Variants in TDRP observed in about 807,000 individuals in gnomAD.
The protein encoded by TDRP is testis development-related protein.
Under a neutral mutation model 10.5 loss-of-function variants are expected in TDRP, and 12 were observed. That is an observed-to-expected ratio of 1.15 (90% CI 0.73 to 1.86). The LOEUF is 1.86. Among genes scored for constraint, TDRP ranks in the 40% most tolerant of loss-of-function variants. TDRP has a pLI of 0.00. For missense variants in TDRP, 353 were observed against 229.2 expected (o/e 1.54, Z -3.49); for synonymous variants, 139 against 95.4 (o/e 1.46, Z -2.67).
At chr8:503,668 C>G (rs1432794871) in intron 1 of TDRP, among the ~76,000 whole-genome samples, 1 of 148,082 alleles carries the variant, frequency 6.8e-6, no homozygotes, top group East Asian at 2.1e-4. Context: ...CACCTCAACA[C>G]ACACCAACAC....
chr8:511,722 G>A (rs529527201), intron 1 of TDRP, among the ~76,000 whole-genome samples: 1 of 152,114 alleles, frequency 6.6e-6, no homozygotes, highest in Non-Finnish European at 1.5e-5. Context: ...ATATTTAACA[G>A]GATAAAACTA....
chr8:540,540 T>A (rs1446191347), intron 1 of TDRP, among the ~76,000 whole-genome samples: 2 of 152,174 alleles, frequency 1.3e-5, no homozygotes, highest in Non-Finnish European at 2.9e-5. Flanking sequence ...CAAGTAACAT[T>A]AGATTCATGA....
intron 1 of TDRP, among the ~76,000 whole-genome samples, chr8:533,572 G>C (rs560151789): frequency 1.3e-5 from 2 of 152,040 alleles, no homozygotes; most frequent in African/African-American, 4.8e-5. Flanking sequence ...ACGTTTCATC[G>C]GCATCTTGCC....
chr8:503,117 C>G (rs992438210), intron 1 of TDRP, among the ~76,000 whole-genome samples: 17 of 151,974 alleles, frequency 1.1e-4, no homozygotes, highest in African/African-American at 3.9e-4. Context: ...CACACTGGAA[C>G]CAATGCCCAC....
Position 491,771 on chromosome 8 carries a change from C to T in TDRP, c.*628G>A. The T allele has an allele frequency of 1.4e-6, 2 of 1,382,576 alleles. No individual in the cohort carries two copies. The highest frequency in any genetic ancestry group is 5.4e-5 in the East Asian group (2 of 37,326). The allele number at this position is 1,382,576 out of a possible 1,614,324, so 85.6% of individuals were successfully genotyped here. ...AAATTCCAAAAAAGAACCACTGTTA[C>T]TATCCAGTGGACATACAAGAAGCTA... On this transcript the variant is annotated 3_prime_UTR_variant, in exon 3 of 3. Transcript: ENST00000324079.
At chr8:529,577 T>C (rs1802129882) in intron 1 of TDRP, among the ~76,000 whole-genome samples, 1 of 151,600 alleles carries the variant, frequency 6.6e-6, no homozygotes, top group Non-Finnish European at 1.5e-5. Flanking sequence ...TTCTTTGGCT[T>C]TGGTTATCTG....
intron 2 of TDRP, 69 bp downstream of exon 2, chr8:494,425 C>T: frequency 6.7e-7 from 1 of 1,494,798 alleles, no homozygotes; most frequent in Non-Finnish European, 9.3e-7. Context: ...ATCAAATCTT[C>T]ATTTCCACCT....
intron 1 of TDRP, among the ~76,000 whole-genome samples, chr8:537,333 T>C (rs1226447437): frequency 6.6e-6 from 1 of 152,218 alleles, no homozygotes; most frequent in Non-Finnish European, 1.5e-5. Flanking sequence ...AGGACCCTCC[T>C]GCCTGCACCA....
At chr8:513,009 A>G (rs1314006604) in intron 1 of TDRP, among the ~76,000 whole-genome samples, 1 of 152,020 alleles carries the variant, frequency 6.6e-6, no homozygotes, top group South Asian at 2.1e-4. Flanking sequence ...TTGAATTAGT[A>G]ATCAAAAGGC....
intron 1 of TDRP, among the ~76,000 whole-genome samples, chr8:538,854 C>A (rs965107043): frequency 1.3e-5 from 2 of 152,184 alleles, no homozygotes; most frequent in East Asian, 1.9e-4. Context: ...TGAAGACATG[C>A]GCATCTCACC....
intron 1 of TDRP, among the ~76,000 whole-genome samples, chr8:499,884 G>T (rs1458512463): frequency 6.6e-6 from 1 of 152,214 alleles, no homozygotes; most frequent in Non-Finnish European, 1.5e-5. Flanking sequence ...CAAAATCTTA[G>T]GTGGCGACAG....
At chr8:541,510 T>A (rs1262497080) in intron 1 of TDRP, among the ~76,000 whole-genome samples, 1 of 152,156 alleles carries the variant, frequency 6.6e-6, no homozygotes, top group African/African-American at 2.4e-5. Context: ...AACACATACA[T>A]ATAAAGAACT....
chr8:492,259 A>G lies in TDRP; in HGVS notation c.*140T>C, dbSNP rs924638933. The G allele has an allele frequency of 7.5e-7, 1 of 1,334,824 alleles. No homozygotes were observed. The highest frequency in any genetic ancestry group is 3.5e-5 in the Admixed American group (1 of 28,668). The allele number at this position is 1,334,824 out of a possible 1,614,324, so 82.7% of individuals were successfully genotyped here. On this transcript the variant is annotated 3_prime_UTR_variant, in exon 3 of 3. Transcript: ENST00000324079. ...CACAGTGTGTGTGAGAGTTCATTAA[A>G]TAAAGAAACAGAGGTCCAAATATCA...
intron 1 of TDRP, among the ~76,000 whole-genome samples, chr8:541,104 G>A (rs1584887208): frequency 6.6e-6 from 1 of 152,160 alleles, no homozygotes; most frequent in African/African-American, 2.4e-5. Context: ...GACTCTTCAT[G>A]AATTTCAAAA....
intron 1 of TDRP, among the ~76,000 whole-genome samples, chr8:527,571 A>G (rs1456960635): frequency 6.6e-6 from 1 of 152,184 alleles, no homozygotes; most frequent in Non-Finnish European, 1.5e-5. Context: ...TAGGCCAATG[A>G]AAGAGAATAG....
At position 491,589 on chromosome 8, in the gene TDRP, G is replaced by C. The variant is rs563407496; in HGVS notation, c.*810C>G. ...GAGGCACTTCAGTATTTTATGCACA[G>C]TCTTAACTCTCTATAATGAGCAAGA... On this transcript the variant is annotated 3_prime_UTR_variant, in exon 3 of 3. Coordinates refer to ENST00000324079, the MANE Select transcript of TDRP (RefSeq NM_001384899.1). The C allele has an allele frequency of 1.3e-6, 2 of 1,524,128 alleles. No individual in the cohort carries two copies. The highest frequency in any genetic ancestry group is 1.7e-6 in the Non-Finnish European group (2 of 1,143,352). The allele number at this position is 1,524,128 out of a possible 1,614,324, so 94.4% of individuals were successfully genotyped here. A position where few individuals can be genotyped will look rare whatever the true frequency, so the allele number is the denominator to read the frequency against.
chr8:501,726 A>G (rs1048612427), intron 1 of TDRP, among the ~76,000 whole-genome samples: 2 of 152,202 alleles, frequency 1.3e-5, no homozygotes, highest in African/African-American at 4.8e-5. Context: ...CAGGTATCCC[A>G]ATTTCTCATC....
intron 1 of TDRP, among the ~76,000 whole-genome samples, chr8:541,331 T>A (rs1178034764): frequency 6.6e-6 from 1 of 152,186 alleles, no homozygotes; most frequent in East Asian, 1.9e-4. Flanking sequence ...AACTAGCACA[T>A]AACTGGGAAA....
At chr8:544,880 T>A, upstream of TDRP, 2 of 661,046 alleles carry the variant, frequency 3.0e-6, no homozygotes, top group African/African-American at 1.9e-5. Flanking sequence ...CGGGCGGGGC[T>A]AGGCGGGGGC....
Sources: gnomAD v4.1 joint callset for allele counts (sites outside exome capture counted in the v4.1 genomes callset) on GRCh38, gnomAD v4.1.1 for gene constraint, MANE v1.5 for transcripts, NCBI Gene and HGNC (gene_info 2026-07-23, HGNC 2026-07-21) for gene names.